Variants in MBNL1 observed in about 807,000 individuals in gnomAD.
The protein encoded by MBNL1 is muscleblind-like protein 1.
A neutral mutation model predicts 42.2 loss-of-function variants in MBNL1; 8 were observed. The observed-to-expected ratio is 0.19, with a 90% CI of 0.11 to 0.34. The LOEUF is 0.34. MBNL1 is among the 10% of genes least tolerant of loss of function. The pLI, the probability that MBNL1 is intolerant of heterozygous loss-of-function variation, is 1.00. For synonymous variants in MBNL1, 169 were observed against 173.9 expected (o/e 0.97, Z 0.22); for missense variants, 309 against 495.3 (o/e 0.62, Z 3.57).
intron 1 of MBNL1, among the ~76,000 whole-genome samples, chr3:152,280,064 CT>C (rs2047528208): frequency 6.6e-6 from 1 of 152,052 alleles, no homozygotes; most frequent in South Asian, 2.1e-4. Flanking sequence ...AAATGAAAGT[CT>C]TTGCTTTTGG....
At chr3:152,284,962 C>G (rs1375958119) in intron 1 of MBNL1, among the ~76,000 whole-genome samples, 1 of 152,112 alleles carries the variant, frequency 6.6e-6, no homozygotes, top group African/African-American at 2.4e-5. Context: ...AATTGATTAA[C>G]AATCTTAATT....
intron 9 of MBNL1, among the ~76,000 whole-genome samples, chr3:152,460,553 A>G (rs1475700932): frequency 2.0e-5 from 3 of 150,536 alleles, no homozygotes; most frequent in Non-Finnish European, 4.4e-5. Flanking sequence ...AGCATGGCAC[A>G]TGTATACATA....
intron 2 of MBNL1, among the ~76,000 whole-genome samples, chr3:152,367,352 T>C (rs1205365063): frequency 2.0e-5 from 3 of 152,208 alleles, no homozygotes; most frequent in African/African-American, 7.2e-5. Context: ...GCAAAGGATA[T>C]GAAGTCATCC....
At chr3:152,338,735 G>A (rs1428720043) in intron 2 of MBNL1, 2 of 964,364 alleles carry the variant, frequency 2.1e-6, no homozygotes, top group Non-Finnish European at 1.2e-6. Context: ...CTGTAGCTAT[G>A]GATTTAATAT....
At chr3:152,309,498 T>C (rs1055226661) in intron 2 of MBNL1, among the ~76,000 whole-genome samples, 1 of 152,238 alleles carries the variant, frequency 6.6e-6, no homozygotes, top group Non-Finnish European at 1.5e-5. Context: ...GTGCGTAGGC[T>C]TCTGGATCTC....
At chr3:152,282,205 C>A (rs2048903238) in intron 1 of MBNL1, among the ~76,000 whole-genome samples, 2 of 151,974 alleles carry the variant, frequency 1.3e-5, no homozygotes, top group South Asian at 4.1e-4. Context: ...TAATTAGAAA[C>A]AAAATAAAGG....
chr3:152,406,496 T>C (rs1008016749), intron 2 of MBNL1, among the ~76,000 whole-genome samples: 3 of 152,150 alleles, frequency 2.0e-5, no homozygotes, highest in Non-Finnish European at 4.4e-5. Context: ...GTGTGTGTGA[T>C]TTGTTGCCTT....
At chr3:152,365,268 T>A (rs2096281271) in intron 2 of MBNL1, among the ~76,000 whole-genome samples, 1 of 117,702 alleles carries the variant, frequency 8.5e-6, no homozygotes, top group South Asian at 2.4e-4. Flanking sequence ...ATTTTCTGAT[T>A]TTTTTTTTAT....
At chr3:152,387,538 TATTA>T (rs1273494452) in intron 2 of MBNL1, among the ~76,000 whole-genome samples, 3 of 152,134 alleles carry the variant, frequency 2.0e-5, no homozygotes, top group African/African-American at 7.2e-5. Context: ...TAGTCACTCG[TATTA>T]ATTATTTTTC....
intron 2 of MBNL1, chr3:152,338,507 C>A (rs1200511685): frequency 1.0e-6 from 1 of 985,250 alleles, no homozygotes; most frequent in Non-Finnish European, 1.2e-6. Context: ...GCTCAGTGAT[C>A]CTGCTGTCAA....
At chr3:152,422,190 T>TACGTGCAAA (rs1035429580) in intron 3 of MBNL1, among the ~76,000 whole-genome samples, 1 of 147,558 alleles carries the variant, frequency 6.8e-6, no homozygotes, top group Admixed American at 7.0e-5. Flanking sequence ...ATACCCATCC[T>TACGTGCAAA]ACGTGCAAAG....
upstream of MBNL1, chr3:152,265,393 TGTGTGTGTG>T (rs2037049489): frequency 6.7e-6 from 1 of 148,412 alleles, no homozygotes; most frequent in African/African-American, 2.5e-5. Context: ...TGAGAGTGTG[TGTGTGTGTG>T]TGTGTGTGTG....
intron 2 of MBNL1, among the ~76,000 whole-genome samples, chr3:152,398,974 C>G (rs1283672906): frequency 6.6e-6 from 1 of 152,164 alleles, no homozygotes; most frequent in East Asian, 1.9e-4. Context: ...CCTGATACTT[C>G]TAAATGGAAA....
chr3:152,412,037 G>T (rs764268823), intron 2 of MBNL1, among the ~76,000 whole-genome samples: 1 of 152,040 alleles, frequency 6.6e-6, no homozygotes, highest in Admixed American at 6.5e-5. Context: ...TGCTACTAAG[G>T]GCTCAGAGAT....
intron 2 of MBNL1, among the ~76,000 whole-genome samples, chr3:152,312,569 A>G (rs1560097291): frequency 6.6e-6 from 1 of 152,222 alleles, no homozygotes; most frequent in Non-Finnish European, 1.5e-5. Flanking sequence ...TCTTATCTGA[A>G]TGCCAGAGTT....
chr3:152,422,306 C>T (rs1479728603), intron 3 of MBNL1, among the ~76,000 whole-genome samples: 2 of 147,134 alleles, frequency 1.4e-5, no homozygotes, highest in Non-Finnish European at 3.0e-5. Context: ...CAATCCTAGT[C>T]TCTGATAAAA....
At chr3:152,273,042 C>G (rs972559443) in intron 1 of MBNL1, among the ~76,000 whole-genome samples, 1 of 152,160 alleles carries the variant, frequency 6.6e-6, no homozygotes, top group Non-Finnish European at 1.5e-5. Context: ...GTTGCCTCAG[C>G]TTGGTGCCAT....
intron 2 of MBNL1, 62 bp from the exon 3 acceptor site, chr3:152,414,879 T>G: frequency 6.4e-7 from 1 of 1,559,530 alleles, no homozygotes; most frequent in Non-Finnish European, 8.8e-7. Context: ...CATTATATTT[T>G]TTTCATAATT....
rs371278561 is a variant in MBNL1, at chr3:152,250,358, A to G, written n.333+5918A>G. On this transcript the variant is annotated intron_variant and non_coding_transcript_variant, in intron 2 of 2. Coordinates refer to the MBNL1 transcript ENST00000477171. ...ACGTCCCTTGTAAGTTGGATTCCTA[A>G]GTATTTTATTCTCTTTGAAGCAATT... 2.2e-3 allele frequency among the ~76,000 whole-genome samples: 332 copies of G among 151,256 alleles called. 6 individuals carry two copies. The highest frequency in any genetic ancestry group is 0.016 in the Admixed American group (246 of 15,010).
Sources: allele counts gnomAD v4.1 joint callset (sites outside exome capture counted in the v4.1 genomes callset), GRCh38; gene constraint gnomAD v4.1.1; transcripts MANE v1.5; gene names NCBI Gene and HGNC (gene_info 2026-07-23, HGNC 2026-07-21).